Variants in THSD7A observed in about 807,000 individuals in gnomAD.
THSD7A encodes the protein thrombospondin type 1 domain containing 7A, also known as thrombospondin type-1 domain-containing protein 7A.
Under a neutral mutation model 231.3 loss-of-function variants are expected in THSD7A, and 96 were observed. The ratio of observed to expected loss-of-function variants is 0.41; its 90% CI spans 0.35 to 0.49. The LOEUF is 0.49. Among genes scored for constraint, THSD7A ranks in the 20% least tolerant of loss-of-function variants. The probability of loss-of-function intolerance (pLI) is 0.05; values close to 1 mark genes in which losing one functional copy is unlikely to be tolerated. For synonymous variants in THSD7A, 940 were observed against 743.3 expected (o/e 1.26, Z -4.30); for missense variants, 2,290 against 2,070.2 (o/e 1.11, Z -2.06).
intron 1 of THSD7A, among the ~76,000 whole-genome samples, chr7:11,700,860 A>C (rs889466621): frequency 9.1e-6 from 1 of 110,084 alleles, no homozygotes; most frequent in Non-Finnish European, 2.1e-5. Context: ...TTCATAAGGC[A>C]AAAAAAATTG....
At chr7:11,602,341 T>G (rs1780581784) in intron 2 of THSD7A, among the ~76,000 whole-genome samples, 1 of 152,090 alleles carries the variant, frequency 6.6e-6, no homozygotes, top group South Asian at 2.1e-4. Context: ...CTTTTTATAA[T>G]TTTTCAATAC....
At chr7:11,508,030 GGA>G (rs571013393) in intron 6 of THSD7A, among the ~76,000 whole-genome samples, 24 of 151,716 alleles carry the variant, frequency 1.6e-4, no homozygotes, top group Admixed American at 3.9e-4. Flanking sequence ...CATGGTGGCA[GGA>G]GAGAGAGAGA....
intron 1 of THSD7A, among the ~76,000 whole-genome samples, chr7:11,791,862 C>A (rs1369779568): frequency 6.6e-6 from 1 of 151,894 alleles, no homozygotes; most frequent in East Asian, 1.9e-4. Context: ...TTGCTGCCGC[C>A]TCTTTCTTGC....
chr7:11,382,600 T>C lies in THSD7A; in HGVS notation c.4428A>G (p.Glu1476=), dbSNP rs375400351. 2.5e-5 allele frequency: 41 copies of C among 1,612,424 alleles called. No individual in the cohort carries two copies. The African/African-American group carries it at 4.7e-4, about 18-fold the overall frequency. ...TCCAAGCACTGGCCATCCATTTATATTCATAGCACTGTCCATCTGCAGGGA... is the reference window on the plus strand; with the variant it reads ...TCCAAGCACTGGCCATCCATTTATACTCATAGCACTGTCCATCTGCAGGGA... ...TKSCYDGQCY[E]YKWMASAWKG... is the part of the protein sequence containing the mutation. Residue 1476 remains glutamate (E), a synonymous_variant, in exon 24 of 28, where the codon GAA becomes GAG. Coordinates refer to ENST00000423059, the MANE Select transcript of THSD7A (RefSeq NM_015204.3).
intron 23 of THSD7A, among the ~76,000 whole-genome samples, chr7:11,383,110 G>C (rs1348511413): frequency 6.6e-6 from 1 of 151,476 alleles, no homozygotes. Flanking sequence ...GACTTTCTTT[G>C]CCATGCTTTT....
chr7:11,526,197 A>C (rs1444965667), intron 6 of THSD7A, among the ~76,000 whole-genome samples: 1 of 152,176 alleles, frequency 6.6e-6, no homozygotes, highest in African/African-American at 2.4e-5. Context: ...CATCTCCTCC[A>C]GCTTTTCAAA....
intron 1 of THSD7A, among the ~76,000 whole-genome samples, chr7:11,818,660 C>T (rs1461693302): frequency 1.3e-5 from 2 of 152,238 alleles, no homozygotes; most frequent in African/African-American, 2.4e-5. Context: ...TATGCAGCTA[C>T]ATGATTTATT....
chr7:11,715,825 G>T (rs893452367), intron 1 of THSD7A, among the ~76,000 whole-genome samples: 2 of 151,438 alleles, frequency 1.3e-5, no homozygotes, highest in Admixed American at 1.3e-4. Flanking sequence ...ATGAAAAACA[G>T]TAAATGATGG....
At chr7:11,391,215 T>TCTATC (rs1346094221) in intron 23 of THSD7A, among the ~76,000 whole-genome samples, 6 of 151,118 alleles carry the variant, frequency 4.0e-5, no homozygotes, top group Admixed American at 2.6e-4. Context: ...CCCCAGGTGC[T>TCTATC]CTGTCCCAGG....
At chr7:11,564,177 G>A (rs893487999) in intron 4 of THSD7A, among the ~76,000 whole-genome samples, 1 of 152,126 alleles carries the variant, frequency 6.6e-6, no homozygotes, top group African/African-American at 2.4e-5. Flanking sequence ...GACGTTTTAG[G>A]TCCAGACTGA....
At chr7:11,470,383 G>T (rs1562635457) in intron 8 of THSD7A, among the ~76,000 whole-genome samples, 1 of 151,964 alleles carries the variant, frequency 6.6e-6, no homozygotes, top group Non-Finnish European at 1.5e-5. Context: ...ATATTTGTAT[G>T]ACTAGGCCTT....
chr7:11,432,721 G>T (rs1375462641), intron 13 of THSD7A, among the ~76,000 whole-genome samples: 1 of 151,842 alleles, frequency 6.6e-6, no homozygotes, highest in African/African-American at 2.4e-5. Context: ...ATTGGTGGTG[G>T]GCATTTAGGT....
At chr7:11,561,516 A>G (rs975986214) in intron 4 of THSD7A, among the ~76,000 whole-genome samples, 3 of 152,184 alleles carry the variant, frequency 2.0e-5, no homozygotes, top group Admixed American at 2.0e-4. Flanking sequence ...TACTAAAGAA[A>G]TTATTTTAGT....
chr7:11,486,562 G>A (rs1014353927), intron 6 of THSD7A, among the ~76,000 whole-genome samples: 2 of 150,884 alleles, frequency 1.3e-5, no homozygotes, highest in African/African-American at 4.9e-5. Context: ...TGTGATTTGT[G>A]TAGTTCTATC....
In THSD7A at chr7:11,406,414, A is replaced by T; in HGVS notation, c.4123T>A (p.Ser1375Thr). 1 of 1,613,902 alleles carries T rather than the reference A, an allele frequency of 6.2e-7. No homozygotes were observed. Among genetic ancestry groups the T allele is most frequent in the East Asian group, 2.2e-5 (1 of 44,864 alleles). ...RNISCVVSDGSADDFSKVVDE... is the reference protein window; with the variant it reads ...RNISCVVSDGTADDFSKVVDE... The stretch of plus-strand genomic sequence containing the variant: ...ACCACTTTGCTGAAATCATCAGCTG[A>T]CCCATCACTTACTACACAAGAAATG... The change falls in exon 22 of 28, where the codon TCA becomes ACA. Residue 1375 changes from serine to threonine, a missense_variant. Transcript: ENST00000423059. This position sits in a 1 kb window ranked among gnomAD's most constrained non-coding sequence, Gnocchi z 4.7.
At chr7:11,702,321 C>T (rs73294589) in intron 1 of THSD7A, among the ~76,000 whole-genome samples, 2,470 of 151,296 alleles carry the variant, frequency 0.016, 70 homozygotes, top group African/African-American at 0.057. Flanking sequence ...CACGACCAAG[C>T]TCATTCAAAT....
chr7:11,787,357 T>G (rs576376162), intron 1 of THSD7A, among the ~76,000 whole-genome samples: 1 of 152,194 alleles, frequency 6.6e-6, no homozygotes, highest in African/African-American at 2.4e-5. Context: ...ATATAGAATT[T>G]TTTTTAGATG....
At chr7:11,609,692 G>A (rs535393201) in intron 2 of THSD7A, among the ~76,000 whole-genome samples, 2 of 152,256 alleles carry the variant, frequency 1.3e-5, no homozygotes, top group South Asian at 4.1e-4. Flanking sequence ...GGAGGTGGAA[G>A]GGACTTTAGT....
intron 1 of THSD7A, among the ~76,000 whole-genome samples, chr7:11,723,139 T>C (rs545943338): frequency 6.6e-5 from 10 of 152,080 alleles, no homozygotes; most frequent in African/African-American, 2.4e-4. Flanking sequence ...TGGAATACTA[T>C]GCAGCCATAA....
Sources: allele counts gnomAD v4.1 joint callset (sites outside exome capture counted in the v4.1 genomes callset), GRCh38; gene constraint gnomAD v4.1.1; non-coding constraint Gnocchi (gnomAD v3.1); transcripts MANE v1.5; gene names NCBI Gene and HGNC (gene_info 2026-07-23, HGNC 2026-07-21).